The following AFG2A variants were observed in gnomAD, a reference collection of about 807,000 sequenced individuals.
AFG2A encodes ATPase family gene 2 protein homolog A.
the AFG2A span, among the ~76,000 whole-genome samples, chr4:122,948,669 T>G: frequency 2.0e-5 from 3 of 152,130 alleles, no homozygotes; most frequent in Admixed American, 2.0e-4. Flanking sequence ...CAGAACTTAC[T>G]TACAGGGCGG....
the AFG2A span, among the ~76,000 whole-genome samples, chr4:123,019,082 C>G: frequency 6.6e-6 from 1 of 151,922 alleles, no homozygotes; most frequent in Non-Finnish European, 1.5e-5. Context: ...AATAAAGTAT[C>G]TAGTATTTAT....
the AFG2A span, among the ~76,000 whole-genome samples, chr4:123,118,078 A>G: frequency 6.6e-6 from 1 of 151,396 alleles, no homozygotes; most frequent in Non-Finnish European, 1.5e-5. Context: ...TCATTTTTTA[A>G]AAGATATTTT....
chr4:123,235,987 CAA>C, the AFG2A span, among the ~76,000 whole-genome samples: 1 of 152,108 alleles, frequency 6.6e-6, no homozygotes, highest in African/African-American at 2.4e-5. Flanking sequence ...GAAAATAACT[CAA>C]AATGAACTTC....
chr4:123,024,227 CAA>C, the AFG2A span, among the ~76,000 whole-genome samples: 5 of 123,642 alleles, frequency 4.0e-5, no homozygotes, highest in South Asian at 2.9e-4. Context: ...AGACTATAAG[CAA>C]AAAAAAAAAA....
chr4:123,249,483 T>C, the AFG2A span, among the ~76,000 whole-genome samples: 1 of 152,052 alleles, frequency 6.6e-6, no homozygotes, highest in Non-Finnish European at 1.5e-5. Flanking sequence ...GATTAGAAAA[T>C]AGGAAGTTAA....
At chr4:122,979,095 T>G in the AFG2A span, 7 of 1,009,026 alleles carry the variant, frequency 6.9e-6, no homozygotes, top group Non-Finnish European at 9.9e-6. Context: ...TCGTGGAGTA[T>G]GCAGCCCTGG....
the AFG2A span, among the ~76,000 whole-genome samples, chr4:122,933,095 A>G: frequency 6.6e-6 from 1 of 152,228 alleles, no homozygotes; most frequent in Admixed American, 6.5e-5. Flanking sequence ...TTAATGTTTT[A>G]CAAAGCAGTA....
chr4:123,278,948 G>A, the AFG2A span, among the ~76,000 whole-genome samples: 2 of 152,106 alleles, frequency 1.3e-5, no homozygotes, highest in African/African-American at 4.8e-5. Context: ...GTCATGTGCT[G>A]AGCCTTTAAG....
the AFG2A span, among the ~76,000 whole-genome samples, chr4:123,060,765 G>T: frequency 1.3e-5 from 2 of 152,150 alleles, no homozygotes; most frequent in African/African-American, 4.8e-5. Flanking sequence ...TTGGTTCCTT[G>T]TTACTTAAGC....
At chr4:123,063,426 T>C in the AFG2A span, among the ~76,000 whole-genome samples, 3 of 152,142 alleles carry the variant, frequency 2.0e-5, no homozygotes, top group Non-Finnish European at 2.9e-5. Context: ...ATCATATAAT[T>C]AGTCCCAAAG....
At chr4:122,938,845 T>C in the AFG2A span, among the ~76,000 whole-genome samples, 228 of 152,180 alleles carry the variant, frequency 1.5e-3, no homozygotes, top group African/African-American at 5.1e-3. Context: ...TCTACCCGCC[T>C]TGGCCTTCCA....
chr4:123,205,151 T>A, the AFG2A span, among the ~76,000 whole-genome samples: 2 of 152,228 alleles, frequency 1.3e-5, no homozygotes, highest in Non-Finnish European at 2.9e-5. Context: ...TATTTTTTGC[T>A]ATTTTATTTT....
the AFG2A span, among the ~76,000 whole-genome samples, chr4:123,125,779 G>T: frequency 6.6e-6 from 1 of 152,076 alleles, no homozygotes; most frequent in Non-Finnish European, 1.5e-5. Flanking sequence ...TCTGAATCCA[G>T]TCCAGCCTCC....
the AFG2A span, among the ~76,000 whole-genome samples, chr4:123,213,316 GA>G: frequency 6.6e-6 from 1 of 151,918 alleles, no homozygotes; most frequent in African/African-American, 2.4e-5. Flanking sequence ...TCCTTTTCCA[GA>G]ATTTTATACA....
the AFG2A span, among the ~76,000 whole-genome samples, chr4:123,151,342 G>T: frequency 2.6e-5 from 4 of 152,082 alleles, no homozygotes; most frequent in Admixed American, 2.0e-4. Flanking sequence ...AACCTACAGA[G>T]TGGGAGAAAA....
the AFG2A span, among the ~76,000 whole-genome samples, chr4:123,031,932 T>G: frequency 6.6e-6 from 1 of 152,030 alleles, no homozygotes; most frequent in African/African-American, 2.4e-5. Flanking sequence ...TTTGACATAC[T>G]GTGTAAGTTT....
At chr4:122,934,065 C>A in the AFG2A span, 3 of 1,515,964 alleles carry the variant, frequency 2.0e-6, no homozygotes, top group Non-Finnish European at 2.6e-6. Context: ...AAAAATTATG[C>A]TAACATGTAT....
At chr4:123,003,619 G>T in the AFG2A span, among the ~76,000 whole-genome samples, 4 of 152,092 alleles carry the variant, frequency 2.6e-5, no homozygotes, top group African/African-American at 7.2e-5. Context: ...GCAGAACCGT[G>T]CATTTTCATG....
chr4:123,318,249 T>A, the AFG2A span: 1 of 152,130 alleles, frequency 6.6e-6, no homozygotes, highest in South Asian at 2.1e-4. Flanking sequence ...AAAGAGGAAT[T>A]TGTTGCTGAA....
Sources: allele counts gnomAD v4.1 joint callset (sites outside exome capture counted in the v4.1 genomes callset), GRCh38; gene constraint gnomAD v4.1.1; transcripts MANE v1.5; gene names NCBI Gene and HGNC (gene_info 2026-07-23, HGNC 2026-07-21).